DNAH11: variants seen among roughly 807,000 people sequenced by gnomAD.
DNAH11 encodes dynein axonemal heavy chain 11.
Under a neutral mutation model 526.0 loss-of-function variants are expected in DNAH11, and 442 were observed. The ratio of observed to expected loss-of-function variants is 0.84; its 90% CI spans 0.78 to 0.91. DNAH11 has a LOEUF of 0.91. Ranked by LOEUF, DNAH11 falls within the 40% of genes least tolerant of loss-of-function variation. DNAH11 has a pLI of 0.00. For synonymous variants in DNAH11, 2,461 were observed against 1,935.9 expected (o/e 1.27, Z -7.12); for missense variants, 6,989 against 5,448.7 (o/e 1.28, Z -8.90).
At chr7:21,568,796 G>A (rs924488528) in intron 6 of DNAH11, among the ~76,000 whole-genome samples, 5 of 151,948 alleles carry the variant, frequency 3.3e-5, no homozygotes, top group Non-Finnish European at 7.4e-5. Flanking sequence ...GGAGTCGTTT[G>A]CCATAGATTT....
intron 20 of DNAH11, among the ~76,000 whole-genome samples, chr7:21,608,845 C>T (rs1006656114): frequency 1.7e-4 from 19 of 112,606 alleles, no homozygotes; most frequent in African/African-American, 2.3e-4. Context: ...AGAGACTGTA[C>T]GCTTATAACT....
At chr7:21,870,599 G>A (rs1052208091) in intron 73 of DNAH11, among the ~76,000 whole-genome samples, 1 of 152,090 alleles carries the variant, frequency 6.6e-6, no homozygotes, top group Non-Finnish European at 1.5e-5. Context: ...GGCTCAGACT[G>A]GAGAGAACAC....
chr7:21,580,086 T>C (rs1784254516), intron 8 of DNAH11, among the ~76,000 whole-genome samples: 1 of 152,182 alleles, frequency 6.6e-6, no homozygotes, highest in South Asian at 2.1e-4. Context: ...TTTGTGGGAC[T>C]TTCCAAGGGA....
In DNAH11 at chr7:21,547,938, T is replaced by C. The variant is rs1016090608; in HGVS notation, c.495+2789T>C. On this transcript the variant is annotated intron_variant, in intron 2 of 81. Transcript: ENST00000409508. ...AGCAGATTATTTTGCTAGTAAGTTA[T>C]GCACATTTGTTTATTAATAGCTATT... Among the ~76,000 whole-genome samples the C allele has an allele frequency of 3.3e-5, 5 of 152,256 alleles. No individual in the cohort carries two copies. In the South Asian group the frequency reaches 1.0e-3, roughly 32 times the overall value.
chr7:21,894,148 CAA>C (rs1455995278), intron 77 of DNAH11, among the ~76,000 whole-genome samples: 1 of 152,184 alleles, frequency 6.6e-6, no homozygotes, highest in Non-Finnish European at 1.5e-5. Context: ...CCTGGCCTCC[CAA>C]AGTGCTGGGA....
chr7:21,607,990 A>T (rs1384420745), intron 20 of DNAH11, among the ~76,000 whole-genome samples: 3 of 147,994 alleles, frequency 2.0e-5, no homozygotes, highest in Non-Finnish European at 4.5e-5. Flanking sequence ...TTCCTTGCAG[A>T]TTTCTGTTAG....
chr7:21,606,482 A>G lies in DNAH11; in HGVS notation c.3705A>G (p.Glu1235=), dbSNP rs904546333. ...AGATCGCAGCAACTGTCAGACATGA[A>G]GTCTCACCTCTCCATAATGCGGAAG... ...TKKIAATVRH[E]VSPLHNAEVT... The change falls in exon 19 of 82, where the codon GAA becomes GAG. Residue 1235 remains glutamate (E), a synonymous_variant. Coordinates refer to ENST00000409508, the MANE Select transcript of DNAH11 (RefSeq NM_001277115.2). 1.2e-6 allele frequency: 2 copies of G among 1,611,382 alleles called. No homozygotes were observed. The highest frequency in any genetic ancestry group is 1.1e-5 in the South Asian group (1 of 89,660).
At chr7:21,667,321 T>C (rs1311053938) in intron 30 of DNAH11, among the ~76,000 whole-genome samples, 3 of 152,150 alleles carry the variant, frequency 2.0e-5, no homozygotes, top group Non-Finnish European at 2.9e-5. Flanking sequence ...GGCCTACTTT[T>C]TCTGGGAAGA....
intron 75 of DNAH11, among the ~76,000 whole-genome samples, chr7:21,883,118 C>T (rs1231196125): frequency 1.3e-5 from 2 of 152,194 alleles, no homozygotes; most frequent in Non-Finnish European, 1.5e-5. Flanking sequence ...ATTTGAGGTT[C>T]ATTTATTCAA....
intron 25 of DNAH11, among the ~76,000 whole-genome samples, chr7:21,630,745 C>G (rs4719668): frequency 0.7 from 106,075 of 152,002 alleles, 37,419 homozygotes; most frequent in Middle Eastern, 0.86. Flanking sequence ...TGTTGCTTTA[C>G]GATTCTCTGT....
At chr7:21,887,599 G>T (rs562224090) in intron 76 of DNAH11, among the ~76,000 whole-genome samples, 1 of 152,186 alleles carries the variant, frequency 6.6e-6, no homozygotes, top group East Asian at 1.9e-4. Context: ...CAACTTACAG[G>T]TTTGCTGTCA....
At chr7:21,818,868 T>C (rs1388226000) in intron 65 of DNAH11, among the ~76,000 whole-genome samples, 5 of 152,156 alleles carry the variant, frequency 3.3e-5, no homozygotes, top group African/African-American at 1.2e-4. Context: ...TAATGGATTG[T>C]CAACAACAGA....
At chr7:21,664,134 G>GTT (rs5882820) in intron 30 of DNAH11, among the ~76,000 whole-genome samples, 6,574 of 131,280 alleles carry the variant, frequency 0.05, 279 homozygotes, top group South Asian at 0.1. Flanking sequence ...ATTTCCCAAA[G>GTT]TTTTTTTTTT....
intron 64 of DNAH11, 42 bp from the exon 65 acceptor site, chr7:21,818,174 GC>G: frequency 6.3e-7 from 1 of 1,583,320 alleles, no homozygotes; most frequent in Non-Finnish European, 8.6e-7. Flanking sequence ...AACATTTTGT[GC>G]CAATTTACAT....
In DNAH11 at chr7:21,852,658, G is replaced by A. The variant is rs13232043; in HGVS notation, c.11061+27G>A. The A allele has an allele frequency of 2.0e-4, 315 of 1,550,696 alleles. 1 individual carries two copies. The African/African-American group carries it at 3.9e-3, about 19-fold the overall frequency. ...TAGGAAGGGCAGAGGGTGCCTGGCA[G>A]ATTCTAATGCTCTGTTCGAATGAGA... On this transcript the variant is annotated intron_variant, in intron 67 of 81. Transcript: ENST00000409508.
intron 64 of DNAH11, among the ~76,000 whole-genome samples, chr7:21,817,174 A>G (rs1789831683): frequency 6.6e-6 from 1 of 152,116 alleles, no homozygotes; most frequent in African/African-American, 2.4e-5. Context: ...CAAGATTTAC[A>G]TGTCACTTTT....
In DNAH11 at chr7:21,842,812, A is replaced by G. The variant is rs149830290; in HGVS notation, c.10896+64A>G. 19 of 1,350,496 alleles carry G rather than the reference A, an allele frequency of 1.4e-5. No homozygotes were observed. The African/African-American group carries it at 1.5e-4, about 10-fold the overall frequency. 83.7% of individuals were successfully genotyped at this position (1,350,496 alleles called of 1,614,324 possible). A position where few individuals can be genotyped will look rare whatever the true frequency, so the allele number is the denominator to read the frequency against. ...TTTGCTTTGCACAAATCACAGTGCT[A>G]GACATAGAAGTATAAAATAGGATTC... On this transcript the variant is annotated intron_variant, in intron 66 of 81. Transcript: ENST00000409508.
At chr7:21,860,948 T>C (rs1783040943) in intron 68 of DNAH11, among the ~76,000 whole-genome samples, 1 of 152,148 alleles carries the variant, frequency 6.6e-6, no homozygotes, top group Admixed American at 6.5e-5. Context: ...AGTTATTCAC[T>C]ACCACCAGAA....
intron 30 of DNAH11, among the ~76,000 whole-genome samples, chr7:21,668,736 G>C (rs1328528669): frequency 6.6e-6 from 1 of 152,080 alleles, no homozygotes; most frequent in Non-Finnish European, 1.5e-5. Context: ...TACTCATCTT[G>C]TTACTTGACA....
Sources: gnomAD v4.1 joint callset for allele counts (sites outside exome capture counted in the v4.1 genomes callset) on GRCh38, gnomAD v4.1.1 for gene constraint, MANE v1.5 for transcripts, NCBI Gene and HGNC (gene_info 2026-07-23, HGNC 2026-07-21) for gene names.